Variants in SAMMSON observed in about 807,000 individuals in gnomAD.
SAMMSON encodes the protein survival associated mitochondrial melanoma specific oncogenic non-coding RNA.
chr3:70,153,728 G>A (rs985952630), intron 4 of SAMMSON, among the ~76,000 whole-genome samples: 6 of 151,804 alleles, frequency 4.0e-5, no homozygotes, highest in African/African-American at 1.2e-4. Context: ...AAAGCATACC[G>A]TTTTAATCGT....
chr3:70,053,872 T>C (rs891408264), intron 3 of SAMMSON, among the ~76,000 whole-genome samples: 1 of 152,124 alleles, frequency 6.6e-6, no homozygotes, highest in African/African-American at 2.4e-5. Flanking sequence ...TAAGGTACAG[T>C]AATTATTATT....
intron 4 of SAMMSON, among the ~76,000 whole-genome samples, chr3:70,134,448 T>C (rs1300420956): frequency 6.6e-6 from 1 of 152,034 alleles, no homozygotes; most frequent in Admixed American, 6.6e-5. Context: ...TTCAAGTGTT[T>C]TTGTTGACTA....
intron 4 of SAMMSON, among the ~76,000 whole-genome samples, chr3:70,078,194 G>A (rs890094116): frequency 6.6e-5 from 10 of 152,074 alleles, no homozygotes; most frequent in African/African-American, 1.4e-4. Flanking sequence ...TCTCATGCCC[G>A]TTGGACAGTT....
chr3:70,213,347 T>A (rs752132757), intron 4 of SAMMSON, among the ~76,000 whole-genome samples: 1 of 152,134 alleles, frequency 6.6e-6, no homozygotes, highest in Non-Finnish European at 1.5e-5. Context: ...GAAGAGTATA[T>A]GAAAATTATT....
intron 2 of SAMMSON, among the ~76,000 whole-genome samples, chr3:70,424,146 G>T (rs1701335362): frequency 6.6e-6 from 1 of 152,018 alleles, no homozygotes; most frequent in Admixed American, 6.6e-5. Flanking sequence ...TGTTTGTGTG[G>T]CTTTTTTAAA....
chr3:70,282,360 T>C (rs1345615812), intron 6 of SAMMSON, among the ~76,000 whole-genome samples: 1 of 152,180 alleles, frequency 6.6e-6, no homozygotes, highest in South Asian at 2.1e-4. Flanking sequence ...CAAATGCTAA[T>C]GTGTCTTAAA....
intron 6 of SAMMSON, among the ~76,000 whole-genome samples, chr3:70,278,945 C>A (rs562176363): frequency 6.6e-6 from 1 of 151,446 alleles, no homozygotes; most frequent in African/African-American, 2.4e-5. Flanking sequence ...TCTTTCTCCT[C>A]TTCATAGTGG....
intron 4 of SAMMSON, among the ~76,000 whole-genome samples, chr3:70,213,438 A>G (rs1701369815): frequency 6.6e-6 from 1 of 152,148 alleles, no homozygotes; most frequent in Non-Finnish European, 1.5e-5. Context: ...TCAAACGTAT[A>G]GACCATTTTT....
At chr3:70,316,156 G>T (rs915895254) in intron 7 of SAMMSON, among the ~76,000 whole-genome samples, 1 of 152,130 alleles carries the variant, frequency 6.6e-6, no homozygotes, top group East Asian at 1.9e-4. Flanking sequence ...GATAATCTTT[G>T]CTAACAGAGT....
At chr3:70,237,283 G>T (rs1319202309) in intron 4 of SAMMSON, among the ~76,000 whole-genome samples, 1 of 152,074 alleles carries the variant, frequency 6.6e-6, no homozygotes, top group Non-Finnish European at 1.5e-5. Context: ...CTCCAGTGCG[G>T]ATACACCACA....
intron 3 of SAMMSON, among the ~76,000 whole-genome samples, chr3:70,017,779 A>AAATAAATTATT (rs2066992502): frequency 6.6e-6 from 1 of 152,168 alleles, no homozygotes; most frequent in South Asian, 2.1e-4. Flanking sequence ...ATTTATTGAT[A>AAATAAATTATT]GGTTTTAGCA....
chr3:70,227,406 T>C (rs988401998), intron 4 of SAMMSON, among the ~76,000 whole-genome samples: 1 of 152,196 alleles, frequency 6.6e-6, no homozygotes. Context: ...TGATTCAAAA[T>C]ATCAAGTTCT....
intron 9 of SAMMSON, among the ~76,000 whole-genome samples, chr3:70,363,967 GT>G (rs1702898774): frequency 1.3e-5 from 2 of 151,764 alleles, no homozygotes; most frequent in Admixed American, 6.6e-5. Context: ...GTTTAGTTGA[GT>G]TATGGACTCT....
chr3:70,170,410 AT>A (rs992004114), intron 4 of SAMMSON, among the ~76,000 whole-genome samples: 2 of 151,694 alleles, frequency 1.3e-5, no homozygotes, highest in African/African-American at 2.4e-5. Context: ...TGGCGGAATA[AT>A]TTTTTTGTCT....
intron 4 of SAMMSON, among the ~76,000 whole-genome samples, chr3:70,169,645 C>CTTTTTTTTTTTTT (rs11384588): frequency 7.0e-6 from 1 of 142,782 alleles, no homozygotes; most frequent in African/African-American, 2.6e-5. Flanking sequence ...TTTCTTTTTT[C>CTTTTTTTTTTTTT]TTTTTTTTTT....
At chr3:70,433,689 AT>A (rs1701434137) in intron 2 of SAMMSON, among the ~76,000 whole-genome samples, 1 of 151,980 alleles carries the variant, frequency 6.6e-6, no homozygotes, top group Non-Finnish European at 1.5e-5. Flanking sequence ...TCTTTCATGG[AT>A]TATGCTTTTC....
intron 4 of SAMMSON, among the ~76,000 whole-genome samples, chr3:70,095,296 G>A (rs2067319331): frequency 6.6e-6 from 1 of 152,118 alleles, no homozygotes; most frequent in Non-Finnish European, 1.5e-5. Context: ...AACTTCCATG[G>A]CTGTGTTTTT....
intron 2 of SAMMSON, among the ~76,000 whole-genome samples, chr3:70,411,141 A>G (rs1191379529): frequency 6.6e-6 from 1 of 152,204 alleles, no homozygotes; most frequent in Non-Finnish European, 1.5e-5. Flanking sequence ...TGTAAAGGAG[A>G]TCTAAAAGTA....
At chr3:70,293,071 AG>A (rs1702254729) in intron 7 of SAMMSON, among the ~76,000 whole-genome samples, 1 of 145,972 alleles carries the variant, frequency 6.9e-6, no homozygotes, top group African/African-American at 2.5e-5. Flanking sequence ...AAAAAAAAAA[AG>A]TAGCATATTA....
Sources: gnomAD v4.1 joint callset for allele counts (sites outside exome capture counted in the v4.1 genomes callset) on GRCh38, gnomAD v4.1.1 for gene constraint, MANE v1.5 for transcripts, NCBI Gene and HGNC (gene_info 2026-07-23, HGNC 2026-07-21) for gene names.